The following BBS2 variants were observed in gnomAD, a reference collection of about 807,000 sequenced individuals.
The protein encoded by BBS2 is BBSome complex member BBS2.
A neutral mutation model predicts 83.0 loss-of-function variants in BBS2; 62 were observed. That is an observed-to-expected ratio of 0.75 (90% CI 0.61 to 0.92). BBS2 has a LOEUF of 0.92. BBS2 is among the 40% of genes least tolerant of loss of function. The pLI is 0.00. For missense variants in BBS2, 784 were observed against 901.0 expected (o/e 0.87, Z 1.66); for synonymous variants, 303 against 326.1 (o/e 0.93, Z 0.76).
At chr16:56,476,459 G>C in intron 17 of BBS2, 1 of 291,246 alleles carries the variant, frequency 3.4e-6, no homozygotes, top group Non-Finnish European at 6.2e-6. Flanking sequence ...TTCCATATTG[G>C]CTTCTTCAGT....
chr16:56,483,106 G>A (rs991126475), downstream of BBS2, among the ~76,000 whole-genome samples: 5 of 152,072 alleles, frequency 3.3e-5, no homozygotes, highest in Non-Finnish European at 5.9e-5. Context: ...TCCACACCTA[G>A]GCTATACAGT....
intron 14 of BBS2, 150 bp from the exon 15 acceptor site, chr16:56,497,229 T>C: frequency 1.4e-6 from 1 of 692,562 alleles, no homozygotes; most frequent in Non-Finnish European, 2.6e-6. Flanking sequence ...ATTTCATCTC[T>C]GTCTCAACAA....
rs1419681957 is a variant in BBS2 at position 56,519,869 on chromosome 16, G to A, written c.-7C>T. On this transcript the variant is annotated 5_prime_UTR_variant, in exon 1 of 17. Coordinates refer to ENST00000245157, the MANE Select transcript of BBS2 (RefSeq NM_031885.5). ...TGAACACAGGCAGCAGCATGATGGC[G>A]GCGGCTTAGGGGAGGAGGGCTGGAA... The A allele has an allele frequency of 6.2e-7, 1 of 1,610,356 alleles. No individual in the cohort carries two copies. Among genetic ancestry groups the A allele is most frequent in the Non-Finnish European group, 8.5e-7 (1 of 1,176,752 alleles).
Position 56,502,393 on chromosome 16 carries a change from T to C in BBS2, c.1004A>G (p.Gln335Arg). Residue 335 changes from glutamine to arginine, a missense_variant, in exon 9 of 17, where the codon CAG (glutamine) becomes CGG (arginine). Gln to Arg is a conservative substitution (Grantham distance 43). Coordinates refer to ENST00000245157, the MANE Select transcript of BBS2 (RefSeq NM_031885.5). The stretch of plus-strand genomic sequence containing the variant: ...CTGACTCAGCTCTCGGATCAGGTCC[T>C]GCTCTGCACTGGTGTCCATGAGGTT... ...RGNLMDTSAEQDLIRELSQKK... is the reference protein window; with the variant it reads ...RGNLMDTSAERDLIRELSQKK... The C allele has an allele frequency of 6.2e-7, 1 of 1,614,268 alleles. No individual in the cohort carries two copies. The highest frequency in any genetic ancestry group is 8.5e-7 in the Non-Finnish European group (1 of 1,180,054).
Position 56,519,832 on chromosome 16 carries a change from G to T in BBS2, c.31C>A (p.Arg11Ser), listed in dbSNP as rs1443254481. The T allele has an allele frequency of 1.2e-6, 2 of 1,613,682 alleles. No homozygotes were observed. The highest frequency in any genetic ancestry group is 1.7e-6 in the Non-Finnish European group (2 of 1,179,796). Residue 11 changes from arginine to serine, a missense_variant, in exon 1 of 17, where the codon CGC (arginine) becomes AGC (serine). By Grantham distance (110) the Arg-to-Ser change is moderately radical (BLOSUM62 -1). Coordinates refer to ENST00000245157, the MANE Select transcript of BBS2 (RefSeq NM_031885.5). MLLPVFTLKL[R>S]HKISPRMVAI... ...ACCATTCGGGGGCTGATTTTGTGGCGCAGTTTCAGGGTGAACACAGGCAGC... is the reference window on the plus strand; with the variant it reads ...ACCATTCGGGGGCTGATTTTGTGGCTCAGTTTCAGGGTGAACACAGGCAGC...
Position 56,498,554 on chromosome 16 carries a change from G to A in BBS2, c.1542C>T (p.Leu514=), listed in dbSNP as rs374156464. The part of the protein sequence containing the change: ...AERAQRVVVW[L]GQNFLLPEDT... ...CTTCTGGTAACAGAAAGTTCTGACC[G>A]AGCCATACAACAACCTTGAAAATGA... The change falls in exon 13 of 17, where the codon CTC becomes CTT. Residue 514 remains leucine (L), a synonymous_variant. Coordinates refer to ENST00000245157, the MANE Select transcript of BBS2 (RefSeq NM_031885.5). The A allele has an allele frequency of 7.4e-6, 12 of 1,613,718 alleles. No individual in the cohort carries two copies. Among genetic ancestry groups the A allele is most frequent in the African/African-American group, 4.0e-5 (3 of 74,816 alleles).
chr16:56,473,582 A>C (rs1195401516), intron 17 of BBS2, among the ~76,000 whole-genome samples: 1 of 152,156 alleles, frequency 6.6e-6, no homozygotes, highest in Admixed American at 6.5e-5. Flanking sequence ...TGATGTTTTC[A>C]TTCTTCCTAG....
intron 17 of BBS2, chr16:56,475,017 T>C (rs1567557406): frequency 2.6e-6 from 4 of 1,531,426 alleles, no homozygotes; most frequent in Non-Finnish European, 3.6e-6. Context: ...TGAGGGACCC[T>C]TTCCAGCTGA....
At chr16:56,476,214 G>A (rs1425976054) in intron 17 of BBS2, 6 of 1,603,318 alleles carry the variant, frequency 3.7e-6, no homozygotes, top group Non-Finnish European at 4.2e-6. Context: ...GACAGCACTG[G>A]GCAAAGCTGA....
chr16:56,505,887 A>G, intron 7 of BBS2, 63 bp downstream of exon 7: 1 of 1,270,554 alleles, frequency 7.9e-7, no homozygotes, highest in Non-Finnish European at 1.2e-6. Context: ...TAAGTCCTAC[A>G]GCCAATACAC....
chr16:56,494,450 T>C (rs568473585), intron 15 of BBS2, among the ~76,000 whole-genome samples: 60 of 152,258 alleles, frequency 3.9e-4, no homozygotes, highest in African/African-American at 1.3e-3. Context: ...TGAACATCTT[T>C]AGTGGTCAGA....
rs143153259 is a variant in BBS2, at chr16:56,498,505, A to T, written c.1591T>A (p.Phe531Ile). Residue 531 changes from phenylalanine (F) to isoleucine (I), a missense_variant, in exon 13 of 17, where the codon TTT becomes ATT. By Grantham distance (21) the Phe-to-Ile change is conservative. Transcript: ENST00000245157. ...CGTAAAGATGTGAAACACACTTGAA[A>T]TGGAGCATTCTGAATGTGAGTGTCT... Reference protein sequence around the residue: ...PEDTHIQNAPFQVCFTSLRNG... With the variant: ...PEDTHIQNAPIQVCFTSLRNG... The T allele has an allele frequency of 6.2e-6, 10 of 1,614,010 alleles. No homozygotes were observed. The African/African-American group carries it at 1.3e-4, about 22-fold the overall frequency.
At chr16:56,470,925 C>T in intron 17 of BBS2, 2 of 847,884 alleles carry the variant, frequency 2.4e-6, no homozygotes, top group South Asian at 3.8e-5. Flanking sequence ...ACAAAACAGA[C>T]AAGGTCTCTG....
chr16:56,475,609 AATGCTT>A (rs756988504), intron 17 of BBS2: 26 of 1,572,320 alleles, frequency 1.7e-5, no homozygotes, highest in Non-Finnish European at 2.2e-5. Flanking sequence ...AGTTATTGAG[AATGCTT>A]TCATTTTTCA....
chr16:56,480,366 CA>C (rs1157907841), downstream of BBS2, among the ~76,000 whole-genome samples: 4 of 90,232 alleles, frequency 4.4e-5, no homozygotes, highest in Admixed American at 1.2e-4. Flanking sequence ...AAAAAAAAAA[CA>C]AAAAAAAAAA....
At chr16:56,474,810 C>G (rs747056950) in intron 17 of BBS2, 4 of 1,213,586 alleles carry the variant, frequency 3.3e-6, no homozygotes, top group Non-Finnish European at 2.3e-6. Flanking sequence ...AGTTTCTCAT[C>G]TTTTTTTTTT....
intron 10 of BBS2, 25 bp from the exon 11 acceptor site, chr16:56,501,050 T>C (rs200831886): frequency 6.2e-7 from 1 of 1,613,312 alleles, no homozygotes; most frequent in African/African-American, 1.3e-5. Context: ...AAAAACAGTT[T>C]AAGAACAACT....
Position 56,499,760 on chromosome 16 carries a change from G to A in BBS2, c.1527+18C>T, listed in dbSNP as rs1222343879. On this transcript the variant is annotated intron_variant, in intron 12 of 16. Coordinates refer to ENST00000245157, the MANE Select transcript of BBS2 (RefSeq NM_031885.5). ...TCTACTGTGTAAAAGCATTGAAAGA[G>A]AAAAGCGAGATACTCACCCTCTGTG... The A allele has an allele frequency of 1.9e-6, 3 of 1,613,794 alleles. No individual in the cohort carries two copies. Among genetic ancestry groups the A allele is most frequent in the Non-Finnish European group, 2.5e-6 (3 of 1,179,886 alleles).
chr16:56,510,052 T>C lies in BBS2; in HGVS notation c.535-18A>G, dbSNP rs764918423. ...ACAAGAAGCTGAAGGGGAAATATCA[T>C]ACATGTTCAGGTGAGTAAGTGCAAA... On this transcript the variant is annotated intron_variant, in intron 4 of 16. Coordinates refer to ENST00000245157, the MANE Select transcript of BBS2 (RefSeq NM_031885.5). 1.9e-6 allele frequency: 3 copies of C among 1,612,732 alleles called. No homozygotes were observed. The highest frequency in any genetic ancestry group is 2.2e-5 in the East Asian group (1 of 44,890).
Sources: allele counts gnomAD v4.1 joint callset (sites outside exome capture counted in the v4.1 genomes callset), GRCh38; gene constraint gnomAD v4.1.1; transcripts MANE v1.5; gene names NCBI Gene and HGNC (gene_info 2026-07-23, HGNC 2026-07-21).